NEDD1: variants seen among roughly 807,000 people sequenced by gnomAD.
NEDD1 encodes the protein protein NEDD1.
Under a neutral mutation model 74.0 loss-of-function variants are expected in NEDD1, and 33 were observed. The ratio of observed to expected loss-of-function variants is 0.45; its 90% CI spans 0.34 to 0.60. The LOEUF is 0.60. Ranked by LOEUF, NEDD1 falls within the 20% of genes least tolerant of loss-of-function variation. NEDD1 has a pLI of 0.01. For synonymous variants in NEDD1, 250 were observed against 264.4 expected (o/e 0.95, Z 0.53); for missense variants, 746 against 776.5 (o/e 0.96, Z 0.47).
chr12:96,947,972 G>C (rs985199432), intron 14 of NEDD1, among the ~76,000 whole-genome samples: 1 of 152,178 alleles, frequency 6.6e-6, no homozygotes, highest in Non-Finnish European at 1.5e-5. Flanking sequence ...AAGACCCAGA[G>C]TGGCTCAGAG....
rs568149761 is a variant in NEDD1 at position 96,953,776 on chromosome 12, T to C, written c.*1723T>C. ...ACCTGAAATTAAAAAAGAAAATATG[T>C]GAAACAGTTGTCAGATATTGATCCT... On this transcript the variant is annotated 3_prime_UTR_variant, in exon 16 of 16. Transcript: ENST00000266742. 8 of 151,942 alleles carry C rather than the reference T, an allele frequency of 5.3e-5. No individual in the cohort carries two copies. The highest frequency in any genetic ancestry group is 3.4e-3 in the Middle Eastern group (1 of 294). 9.4% of individuals were successfully genotyped at this position (151,942 alleles called of 1,614,324 possible).
chr12:96,937,897 T>C (rs533813130), intron 9 of NEDD1, among the ~76,000 whole-genome samples: 1 of 152,260 alleles, frequency 6.6e-6, no homozygotes, highest in South Asian at 2.1e-4. Flanking sequence ...AAGCTTTCTC[T>C]TATTGTAGAA....
At position 96,907,770 on chromosome 12, in the gene NEDD1, T is replaced by G; in HGVS notation, c.-95T>G. 1 of 1,523,480 alleles carries G rather than the reference T, an allele frequency of 6.6e-7. No homozygotes were observed. Among genetic ancestry groups the G allele is most frequent in the South Asian group, 1.2e-5 (1 of 81,146 alleles). 94.4% of individuals were successfully genotyped at this position (1,523,480 alleles called of 1,614,324 possible). A position where few individuals can be genotyped will look rare whatever the true frequency, so the allele number is the denominator to read the frequency against. The stretch of plus-strand genomic sequence containing the variant: ...AACCCAGGCCGACGTTACCGCCTTG[T>G]GTCCTGACTGCTAGCTTTCGACGGG... On this transcript the variant is annotated 5_prime_UTR_variant, in exon 2 of 16. Coordinates refer to ENST00000266742, the MANE Select transcript of NEDD1 (RefSeq NM_152905.4).
chr12:96,947,622 C>G (rs192262883), intron 14 of NEDD1, among the ~76,000 whole-genome samples: 6 of 152,304 alleles, frequency 3.9e-5, no homozygotes. Context: ...GATTTGAGGA[C>G]AGTGGGCTCA....
intron 8 of NEDD1, 89 bp downstream of exon 8, chr12:96,936,901 A>G (rs1877161746): frequency 1.3e-6 from 1 of 761,250 alleles, no homozygotes; most frequent in Admixed American, 2.7e-5. Context: ...TAAACAGTAT[A>G]GTTTTGTTTC....
Position 96,953,733 on chromosome 12 carries a change from TGAGA to T in NEDD1, c.*1683_*1686del, listed in dbSNP as rs1878897717. ...AATTTCATTGTTGGCCAAAATGATA[TGAGA>T]GATTTACCTTCCCACCTGAAATTAA... On this transcript the variant is annotated 3_prime_UTR_variant, in exon 16 of 16. Coordinates refer to ENST00000266742, the MANE Select transcript of NEDD1 (RefSeq NM_152905.4). The T allele has an allele frequency of 2.0e-5, 3 of 151,968 alleles. No homozygotes were observed. Among genetic ancestry groups the T allele is most frequent in the South Asian group, 2.1e-4 (1 of 4,830 alleles). 9.4% of individuals were successfully genotyped at this position (151,968 alleles called of 1,614,324 possible). A position where few individuals can be genotyped will look rare whatever the true frequency, so the allele number is the denominator to read the frequency against.
chr12:96,911,714 G>T (rs1873935267), intron 3 of NEDD1, among the ~76,000 whole-genome samples: 1 of 152,098 alleles, frequency 6.6e-6, no homozygotes, highest in South Asian at 2.1e-4. Flanking sequence ...AAAAGTAGTG[G>T]TAAACAGGAA....
intron 9 of NEDD1, among the ~76,000 whole-genome samples, chr12:96,938,783 T>A (rs1877375646): frequency 6.6e-6 from 1 of 150,832 alleles, no homozygotes; most frequent in Non-Finnish European, 1.5e-5. Context: ...CCACATTTGC[T>A]TCATCATTCT....
chr12:96,929,771 GGACACAC>G (rs199782850), intron 6 of NEDD1, among the ~76,000 whole-genome samples: 3,843 of 152,026 alleles, frequency 0.025, 99 homozygotes, highest in African/African-American at 0.065. Context: ...GACCTGAGAG[GGACACAC>G]TTTGGCTGGT....
chr12:96,940,371 A>T, intron 9 of NEDD1, 38 bp from the exon 10 acceptor site: 1 of 1,302,570 alleles, frequency 7.7e-7, no homozygotes, highest in Non-Finnish European at 1.1e-6. Context: ...ATTTATTTAG[A>T]TGTAATAACA....
intron 6 of NEDD1, among the ~76,000 whole-genome samples, chr12:96,934,422 G>A (rs989978730): frequency 6.6e-6 from 1 of 151,506 alleles, no homozygotes; most frequent in African/African-American, 2.4e-5. Context: ...TCAGGTATTG[G>A]TATGTCATCT....
chr12:96,947,031 G>A (rs1878262219), intron 14 of NEDD1, among the ~76,000 whole-genome samples: 1 of 152,074 alleles, frequency 6.6e-6, no homozygotes, highest in East Asian at 1.9e-4. Flanking sequence ...CACAGTAAGG[G>A]TATTATTCAA....
chr12:96,952,668 T>C lies in NEDD1; in HGVS notation c.*615T>C, dbSNP rs1388740433. ...CTTTTGCATTTATGTTACTATATTGTACTTCTGACAAATCTTTATTCCTGG... is the reference window on the plus strand; with the variant it reads ...CTTTTGCATTTATGTTACTATATTGCACTTCTGACAAATCTTTATTCCTGG... On this transcript the variant is annotated 3_prime_UTR_variant, in exon 16 of 16. Coordinates refer to ENST00000266742, the MANE Select transcript of NEDD1 (RefSeq NM_152905.4). 6.6e-6 allele frequency: 1 copy of C among 151,770 alleles called. No individual in the cohort carries two copies. Among genetic ancestry groups the C allele is most frequent in the Non-Finnish European group, 1.5e-5 (1 of 67,728 alleles). 9.4% of individuals were successfully genotyped at this position (151,770 alleles called of 1,614,324 possible).
intron 4 of NEDD1, among the ~76,000 whole-genome samples, chr12:96,916,164 A>G (rs771769363): frequency 9.9e-5 from 15 of 151,904 alleles, no homozygotes; most frequent in Non-Finnish European, 1.9e-4. Flanking sequence ...GGCCCAAATA[A>G]TAGGACTTTG....
intron 6 of NEDD1, among the ~76,000 whole-genome samples, chr12:96,924,141 T>C (rs557926612): frequency 6.6e-6 from 1 of 152,346 alleles, no homozygotes; most frequent in South Asian, 2.1e-4. Flanking sequence ...CTATCCCCAC[T>C]GAATTACATT....
intron 6 of NEDD1, among the ~76,000 whole-genome samples, chr12:96,923,155 T>G (rs1875295388): frequency 6.6e-6 from 1 of 152,114 alleles, no homozygotes; most frequent in African/African-American, 2.4e-5. Context: ...TGTGTCTGGT[T>G]TCTTTTAGTC....
At chr12:96,919,048 AGTTT>A (rs761620497) in intron 5 of NEDD1, among the ~76,000 whole-genome samples, 5 of 152,280 alleles carry the variant, frequency 3.3e-5, no homozygotes, top group Non-Finnish European at 5.9e-5. Flanking sequence ...TACAGGGCTT[AGTTT>A]GTTTGTATTA....
At chr12:96,914,864 A>C (rs1874279654) in intron 4 of NEDD1, among the ~76,000 whole-genome samples, 3 of 152,226 alleles carry the variant, frequency 2.0e-5, no homozygotes, top group Admixed American at 2.0e-4. Flanking sequence ...TTATCATAAA[A>C]AAGACCTATC....
chr12:96,925,312 A>G (rs1008376400), intron 6 of NEDD1, among the ~76,000 whole-genome samples: 2 of 152,252 alleles, frequency 1.3e-5, no homozygotes, highest in East Asian at 3.8e-4. Context: ...CATTGTAAGC[A>G]GAGGTTATCA....
Sources: gnomAD v4.1 joint callset for allele counts (sites outside exome capture counted in the v4.1 genomes callset) on GRCh38, gnomAD v4.1.1 for gene constraint, MANE v1.5 for transcripts, NCBI Gene and HGNC (gene_info 2026-07-23, HGNC 2026-07-21) for gene names.